The following ZFAND6 variants were observed in gnomAD, a reference collection of about 807,000 sequenced individuals.
The protein encoded by ZFAND6 is zinc finger AN1-type containing 6, also known as AN1-type zinc finger protein 6.
In ZFAND6, 12 loss-of-function variants were observed where a neutral mutation model predicts 24.5. The ratio of observed to expected loss-of-function variants is 0.49; its 90% CI spans 0.31 to 0.79. ZFAND6 has a LOEUF of 0.79. ZFAND6 is among the 30% of genes least tolerant of loss of function. The probability of loss-of-function intolerance (pLI) is 0.04; values close to 1 mark genes in which losing one functional copy is unlikely to be tolerated. For missense variants in ZFAND6, 207 were observed against 245.9 expected (o/e 0.84, Z 1.06); for synonymous variants, 92 against 81.5 (o/e 1.13, Z -0.69).
At chr15:80,089,060 A>T (rs1369949385) in intron 1 of ZFAND6, among the ~76,000 whole-genome samples, 7 of 151,918 alleles carry the variant, frequency 4.6e-5, no homozygotes, top group African/African-American at 1.7e-4. Flanking sequence ...CTCTAAATAC[A>T]TTGTTTCGGG....
chr15:80,086,554 C>G (rs1363109809), intron 1 of ZFAND6, among the ~76,000 whole-genome samples: 1 of 152,154 alleles, frequency 6.6e-6, no homozygotes, highest in Non-Finnish European at 1.5e-5. Flanking sequence ...TAGATTTGCC[C>G]TTTCTTGACA....
Position 80,076,380 on chromosome 15 carries a change from C to CTT in ZFAND6, c.-181+16581_-181+16582dup, listed in dbSNP as rs11413395. ...TAAATTCAGTGTCTCTAGAATCAAT[C>CTT]TTTTTTTTTTTCCTTCACGTGTTAG... On this transcript the variant is annotated intron_variant, in intron 1 of 6. Coordinates refer to ENST00000261749, the MANE Select transcript of ZFAND6 (RefSeq NM_019006.4). Among the ~76,000 whole-genome samples, 112 of 147,934 alleles carry CTT rather than the reference C, an allele frequency of 7.6e-4. 1 individual carries two copies. The East Asian group carries it at 8.9e-3, about 12-fold the overall frequency.
In ZFAND6 at chr15:80,137,581, A is replaced by G; in HGVS notation, c.580A>G (p.Arg194Gly). 6.2e-7 allele frequency: 1 copy of G among 1,607,274 alleles called. No homozygotes were observed. The highest frequency in any genetic ancestry group is 8.5e-7 in the Non-Finnish European group (1 of 1,177,842). Residue 194 changes from arginine to glycine, a missense_variant, in exon 7 of 7, where the codon AGA becomes GGA. Around this residue, in one of 3 missense-constraint regions of ZFAND6, gnomAD observed 45 missense variants for 67.7 expected, o/e 0.66. Transcript: ENST00000261749. Reference protein sequence around the residue: ...NYKADAAEKIRKENPVVVGEK... With the variant: ...NYKADAAEKIGKENPVVVGEK... ...CAAAGCCGATGCTGCTGAGAAAATC[A>G]GAAAAGAAAATCCAGTAGTTGTTGG... is the stretch of plus-strand genomic sequence containing the variant.
chr15:80,137,670 A>C lies in ZFAND6; in HGVS notation c.*42A>C. 3 of 1,530,360 alleles carry C rather than the reference A, an allele frequency of 2.0e-6. No individual in the cohort carries two copies. In the Admixed American group the frequency reaches 7.0e-5, roughly 36 times the overall value. 94.8% of individuals were successfully genotyped at this position (1,530,360 alleles called of 1,614,324 possible). A position where few individuals can be genotyped will look rare whatever the true frequency, so the allele number is the denominator to read the frequency against. ...AAAATTCTTGAGCATCTGCAAACTA[A>C]AAATTGACTTGAGGTTTTTTTTTTC... On this transcript the variant is annotated 3_prime_UTR_variant, in exon 7 of 7. Transcript: ENST00000261749.
intron 1 of ZFAND6, among the ~76,000 whole-genome samples, chr15:80,091,404 T>A (rs2038362804): frequency 6.6e-6 from 1 of 152,218 alleles, no homozygotes; most frequent in South Asian, 2.1e-4. Flanking sequence ...GGTAGTTTTC[T>A]CAGAATAATC....
At chr15:80,133,921 A>G (rs2040736880) in intron 6 of ZFAND6, among the ~76,000 whole-genome samples, 1 of 152,080 alleles carries the variant, frequency 6.6e-6, no homozygotes, top group East Asian at 1.9e-4. Context: ...GATCGGTTAC[A>G]TTAATGCTTT....
chr15:80,112,452 C>G (rs2039657138), intron 2 of ZFAND6, among the ~76,000 whole-genome samples: 1 of 152,014 alleles, frequency 6.6e-6, no homozygotes, highest in African/African-American at 2.4e-5. Flanking sequence ...GGCTGGATTG[C>G]AGTGGCGTGA....
chr15:80,122,757 T>G lies in ZFAND6; in HGVS notation c.321T>G (p.Ser107Arg), dbSNP rs2040203084. The G allele has an allele frequency of 1.9e-6, 3 of 1,613,718 alleles. No individual in the cohort carries two copies. In the Middle Eastern group the frequency reaches 5.0e-4, roughly 266 times the overall value. ...CTGTAGCATCTTCTCAATTGGACAGTACATCTGTGGACAAAGCAGTACCTG... is the reference window on the plus strand; with the variant it reads ...CTGTAGCATCTTCTCAATTGGACAGGACATCTGTGGACAAAGCAGTACCTG... ...SESVASSQLD[S>R]TSVDKAVPET... The change falls in exon 5 of 7, where the codon AGT (serine) becomes AGG (arginine). Residue 107 changes from serine (S) to arginine (R), a missense_variant. Ser to Arg is a moderately radical substitution (Grantham distance 110). Transcript: ENST00000261749.
intron 2 of ZFAND6, among the ~76,000 whole-genome samples, chr15:80,112,314 A>G (rs4778752): frequency 0.44 from 66,149 of 151,836 alleles, 17,019 homozygotes; most frequent in Non-Finnish European, 0.58. Context: ...GTAGTCCAAA[A>G]TCCCTATACT....
At chr15:80,124,336 G>A (rs979689375) in intron 5 of ZFAND6, among the ~76,000 whole-genome samples, 5 of 152,098 alleles carry the variant, frequency 3.3e-5, no homozygotes, top group African/African-American at 7.2e-5. Flanking sequence ...GGGAGGCTGA[G>A]GCAGGAGAAT....
At chr15:80,131,885 A>G (rs1215001930) in intron 6 of ZFAND6, among the ~76,000 whole-genome samples, 1 of 152,210 alleles carries the variant, frequency 6.6e-6, no homozygotes, top group Non-Finnish European at 1.5e-5. Flanking sequence ...TTAAAATGGT[A>G]GTTCTTAGAG....
chr15:80,091,787 G>A (rs1490438586), intron 1 of ZFAND6, among the ~76,000 whole-genome samples: 1 of 152,074 alleles, frequency 6.6e-6, no homozygotes, highest in African/African-American at 2.4e-5. Context: ...CTACAGGCAC[G>A]TGACGCCATG....
rs116346831 is a variant in ZFAND6, at chr15:80,062,479, A to C, written c.-181+2670A>C. Among the ~76,000 whole-genome samples, 1,481 of 152,334 alleles carry C rather than the reference A, an allele frequency of 9.7e-3. 28 individuals carry two copies. The highest frequency in any genetic ancestry group is 0.03 in the African/African-American group (1,252 of 41,586). ...GCTAACAGGAACACAGCGACAAATT[A>C]GGGAATAGTATCTCCTTACTATCCT... On this transcript the variant is annotated intron_variant, in intron 1 of 6. Coordinates refer to ENST00000261749, the MANE Select transcript of ZFAND6 (RefSeq NM_019006.4).
chr15:80,079,301 A>T (rs2037495448), intron 1 of ZFAND6, among the ~76,000 whole-genome samples: 1 of 151,710 alleles, frequency 6.6e-6, no homozygotes, highest in Non-Finnish European at 1.5e-5. Context: ...GCTCACTGCA[A>T]GCTCCGCCTC....
chr15:80,126,212 C>G (rs1345112538), intron 5 of ZFAND6, among the ~76,000 whole-genome samples: 2 of 152,108 alleles, frequency 1.3e-5, no homozygotes, highest in African/African-American at 2.4e-5. Flanking sequence ...GTTGAATTGT[C>G]AAATCATTGG....
chr15:80,071,597 A>G (rs957988745), intron 1 of ZFAND6, among the ~76,000 whole-genome samples: 4 of 152,140 alleles, frequency 2.6e-5, no homozygotes, highest in African/African-American at 9.6e-5. Flanking sequence ...CTTAAAAATC[A>G]GAGTTCCTGT....
chr15:80,069,731 C>G (rs2036866962), intron 1 of ZFAND6, among the ~76,000 whole-genome samples: 2 of 152,094 alleles, frequency 1.3e-5, no homozygotes, highest in Admixed American at 6.5e-5. Flanking sequence ...GCCTCAGTCT[C>G]CCAAGTAGCT....
intron 1 of ZFAND6, among the ~76,000 whole-genome samples, chr15:80,068,634 A>T (rs1378249472): frequency 3.3e-5 from 5 of 152,188 alleles, no homozygotes; most frequent in Admixed American, 3.3e-4. Flanking sequence ...GGCCTCCCAA[A>T]GTGCTGGGAT....
chr15:80,100,501 G>GT (rs1395388583), intron 2 of ZFAND6, among the ~76,000 whole-genome samples: 1 of 151,702 alleles, frequency 6.6e-6, no homozygotes, highest in Non-Finnish European at 1.5e-5. Flanking sequence ...ATGATTCTCT[G>GT]TGTTCTGTTC....
Sources: gnomAD v4.1 joint callset for allele counts (sites outside exome capture counted in the v4.1 genomes callset) on GRCh38, gnomAD v4.1.1 for gene constraint, gnomAD v4.1.1 regional missense constraint, MANE v1.5 for transcripts, NCBI Gene and HGNC (gene_info 2026-07-23, HGNC 2026-07-21) for gene names.